PDE1C: variants seen among roughly 807,000 people sequenced by gnomAD.
The protein encoded by PDE1C is dual specificity calcium/calmodulin-dependent 3',5'-cyclic nucleotide phosphodiesterase 1C.
In PDE1C, 62 loss-of-function variants were observed where a neutral mutation model predicts 93.1. The ratio of observed to expected loss-of-function variants is 0.67; its 90% CI spans 0.54 to 0.82. PDE1C has a LOEUF of 0.82. PDE1C is among the 40% of genes least tolerant of loss of function. The probability of loss-of-function intolerance (pLI) is 0.00; values close to 1 mark genes in which losing one functional copy is unlikely to be tolerated. For synonymous variants in PDE1C, 325 were observed against 310.1 expected (o/e 1.05, Z -0.50); for missense variants, 742 against 884.6 (o/e 0.84, Z 2.04).
intron 16 of PDE1C, among the ~76,000 whole-genome samples, chr7:31,794,057 C>CAGAT (rs1784944627): frequency 7.2e-6 from 1 of 139,328 alleles, no homozygotes; most frequent in Non-Finnish European, 1.6e-5. Context: ...GACAGACAGA[C>CAGAT]AGACAGACAG....
At chr7:31,747,236 GCAAT>G (rs1794026019), downstream of PDE1C, among the ~76,000 whole-genome samples, 1 of 152,068 alleles carries the variant, frequency 6.6e-6, no homozygotes, top group South Asian at 2.1e-4. Flanking sequence ...ATATAGCAGT[GCAAT>G]CAAAGGACCT....
At chr7:31,755,222 G>A (rs967066129) in intron 17 of PDE1C, among the ~76,000 whole-genome samples, 1 of 152,072 alleles carries the variant, frequency 6.6e-6, no homozygotes, top group Non-Finnish European at 1.5e-5. Context: ...TGGTCCATGT[G>A]GTAATGAACT....
At chr7:32,004,186 T>C (rs561557619) in intron 2 of PDE1C, among the ~76,000 whole-genome samples, 20 of 152,196 alleles carry the variant, frequency 1.3e-4, no homozygotes, top group Admixed American at 1.0e-3. Flanking sequence ...TTGGGTGCAG[T>C]TTAGATACCT....
chr7:31,706,287 G>C, the PDE1C span, among the ~76,000 whole-genome samples: 343 of 152,044 alleles, frequency 2.3e-3, no homozygotes, highest in Non-Finnish European at 4.4e-3. Context: ...TTATAGGCAT[G>C]AGCCACCACA....
Position 31,809,047 on chromosome 7 carries a change from A to G in PDE1C, c.1875T>C (p.Asp625=). 1 of 1,583,652 alleles carries G rather than the reference A, an allele frequency of 6.3e-7. No individual in the cohort carries two copies. The highest frequency in any genetic ancestry group is 8.7e-7 in the Non-Finnish European group (1 of 1,153,660). ...TACTCTTACCATCTGTTTTCTTTGA[A>G]TCATTTCCGATGTTAGAGTGATCCT... ...DKKDHSNIGN[D]SKKTDGTKQR... Residue 625 remains aspartate (D), a synonymous_variant, in exon 16 of 18, where the codon GAT becomes GAC. Transcript: ENST00000396191.
intron 1 of PDE1C, among the ~76,000 whole-genome samples, chr7:32,224,689 G>A (rs565298688): frequency 7.2e-5 from 11 of 152,254 alleles, no homozygotes; most frequent in African/African-American, 1.9e-4. Flanking sequence ...GCACGTGTGC[G>A]ACACATAAAT....
intron 1 of PDE1C, among the ~76,000 whole-genome samples, chr7:32,282,582 TC>T (rs1811734184): frequency 6.3e-5 from 2 of 31,752 alleles, no homozygotes; most frequent in Non-Finnish European, 1.2e-4. Flanking sequence ...TTTTATGTCT[TC>T]TTTTTTTTTT....
At chr7:32,039,896 G>A (rs990457207) in intron 2 of PDE1C, among the ~76,000 whole-genome samples, 1 of 152,094 alleles carries the variant, frequency 6.6e-6, no homozygotes, top group African/African-American at 2.4e-5. Context: ...GTGCTTTTCA[G>A]GACTAGTAAA....
intron 1 of PDE1C, among the ~76,000 whole-genome samples, chr7:32,054,982 A>G (rs1778481484): frequency 6.6e-6 from 1 of 152,144 alleles, no homozygotes; most frequent in Non-Finnish European, 1.5e-5. Flanking sequence ...CAAACTGGGT[A>G]ACACTCCTTC....
chr7:31,783,732 T>G (rs1226240649), intron 16 of PDE1C: 2 of 152,118 alleles, frequency 1.3e-5, no homozygotes, highest in African/African-American at 4.8e-5. Context: ...AATCTTGTAT[T>G]TGGAGATATG....
chr7:31,832,374 C>T (rs1408568633), intron 11 of PDE1C, among the ~76,000 whole-genome samples: 2 of 152,178 alleles, frequency 1.3e-5, no homozygotes, highest in Non-Finnish European at 1.5e-5. Flanking sequence ...AAAAAGTACC[C>T]TGAGGCAGTG....
At position 31,897,501 on chromosome 7, in the gene PDE1C, A is replaced by C. The variant is rs142968759; in HGVS notation, c.129-16641T>G. Among the ~76,000 whole-genome samples, 717 of 152,312 alleles carry C rather than the reference A, an allele frequency of 4.7e-3. 8 individuals are homozygous for C. Among genetic ancestry groups the C allele is most frequent in the African/African-American group, 0.016 (667 of 41,568 alleles). Reference sequence around the variant, plus strand: ...ATATCCAATTTTGTGGCATTATTACATTATGAACCTATGATCTCATAAATT... The same window carrying C: ...ATATCCAATTTTGTGGCATTATTACCTTATGAACCTATGATCTCATAAATT... On this transcript the variant is annotated intron_variant, in intron 2 of 17. Transcript: ENST00000396191.
chr7:31,665,783 G>T, the PDE1C span, among the ~76,000 whole-genome samples: 2 of 152,084 alleles, frequency 1.3e-5, no homozygotes, highest in Non-Finnish European at 2.9e-5. Context: ...CTTCTAAAAG[G>T]AACAAACTCC....
rs537726373 is a variant in PDE1C, at chr7:32,277,013, G to A, written c.85+21638C>T. 5.9e-5 allele frequency among the ~76,000 whole-genome samples: 9 copies of A among 152,282 alleles called. No individual in the cohort carries two copies. In the South Asian group the frequency reaches 1.9e-3, roughly 32 times the overall value. Reference sequence around the variant, plus strand: ...CATGCCTGTAATCCCAGCACTTTGGGAGACTAAAGCAGGCAGATCGCTTGA... The same window carrying A: ...CATGCCTGTAATCCCAGCACTTTGGAAGACTAAAGCAGGCAGATCGCTTGA... On this transcript the variant is annotated intron_variant, in intron 1 of 18. Coordinates refer to the PDE1C transcript ENST00000396193.
chr7:31,664,534 C>T, the PDE1C span, among the ~76,000 whole-genome samples: 9 of 152,324 alleles, frequency 5.9e-5, no homozygotes, highest in South Asian at 6.2e-4. Context: ...CACAGACTCA[C>T]ATGTCTGGCT....
chr7:31,888,996 T>A (rs1373619216), intron 2 of PDE1C, among the ~76,000 whole-genome samples: 1 of 152,182 alleles, frequency 6.6e-6, no homozygotes, highest in Non-Finnish European at 1.5e-5. Context: ...AAGATATTAT[T>A]GAGAGAAGTT....
intron 1 of PDE1C, among the ~76,000 whole-genome samples, chr7:32,404,969 GGTTT>G (rs1785022105): frequency 6.6e-6 from 1 of 152,140 alleles, no homozygotes; most frequent in East Asian, 1.9e-4. Context: ...ATTCCTTACA[GGTTT>G]ATAATTTTAG....
At chr7:32,198,938 G>A (rs981759629) in intron 2 of PDE1C, among the ~76,000 whole-genome samples, 5 of 151,908 alleles carry the variant, frequency 3.3e-5, no homozygotes, top group Non-Finnish European at 7.4e-5. Flanking sequence ...CCAACATGGT[G>A]AAACCCTGTC....
In PDE1C at chr7:32,121,733, G is replaced by T. The variant is rs1022462695; in HGVS notation, c.308+48052C>A. Reference sequence around the variant, plus strand: ...ACTCCTGAAGGAAGCACTAGATATGGCAAGGAAAAACCAGTACCAGACACT... The same window carrying T: ...ACTCCTGAAGGAAGCACTAGATATGTCAAGGAAAAACCAGTACCAGACACT... On this transcript the variant is annotated intron_variant, in intron 3 of 18. Transcript: ENST00000396193. Among the ~76,000 whole-genome samples, 8 of 152,126 alleles carry T rather than the reference G, an allele frequency of 5.3e-5. No individual in the cohort carries two copies. The South Asian group carries it at 8.3e-4, about 16-fold the overall frequency.
Sources: gnomAD v4.1 joint callset for allele counts (sites outside exome capture counted in the v4.1 genomes callset) on GRCh38, gnomAD v4.1.1 for gene constraint, MANE v1.5 for transcripts, NCBI Gene and HGNC (gene_info 2026-07-23, HGNC 2026-07-21) for gene names.